The following EEFSEC variants were observed in gnomAD, a reference collection of about 807,000 sequenced individuals.
EEFSEC encodes the protein eukaryotic elongation factor, selenocysteine-tRNA specific.
A neutral mutation model predicts 42.1 loss-of-function variants in EEFSEC; 43 were observed. That is an observed-to-expected ratio of 1.02 (90% confidence interval 0.80 to 1.32). EEFSEC has a LOEUF of 1.32. EEFSEC is among the 40% of genes most tolerant of loss of function. The pLI is 0.00. For synonymous variants in EEFSEC, 354 were observed against 339.1 expected (o/e 1.04, Z -0.48); for missense variants, 745 against 803.6 (o/e 0.93, Z 0.88).
intron 2 of EEFSEC, among the ~76,000 whole-genome samples, chr3:128,259,792 G>T (rs1246257490): frequency 6.6e-6 from 1 of 152,140 alleles, no homozygotes; most frequent in Non-Finnish European, 1.5e-5. Context: ...CAGTGTTTTT[G>T]TGGTTCATCC....
intron 4 of EEFSEC, among the ~76,000 whole-genome samples, chr3:128,287,969 C>G (rs770185130): frequency 3.3e-5 from 5 of 151,198 alleles, no homozygotes; most frequent in South Asian, 2.1e-4. Flanking sequence ...CCCGCCCCCC[C>G]CAAAAAACTC....
chr3:128,232,065 A>T (rs1576565492), intron 1 of EEFSEC, among the ~76,000 whole-genome samples: 1 of 150,646 alleles, frequency 6.6e-6, no homozygotes, highest in Non-Finnish European at 1.5e-5. Flanking sequence ...TCCCACCCCC[A>T]CCCCCAAGCC....
intron 6 of EEFSEC, among the ~76,000 whole-genome samples, chr3:128,379,606 G>A (rs552085277): frequency 5.9e-5 from 9 of 152,234 alleles, no homozygotes; most frequent in Non-Finnish European, 1.2e-4. Context: ...CACACAGGGC[G>A]GTGCCAGGGC....
chr3:128,412,804 G>A (rs925649850), downstream of EEFSEC, among the ~76,000 whole-genome samples: 2 of 152,228 alleles, frequency 1.3e-5, no homozygotes, highest in African/African-American at 4.8e-5. Context: ...AGCAGTGGGT[G>A]CTGGGAGTGG....
At chr3:128,417,386 C>T in the EEFSEC span, among the ~76,000 whole-genome samples, 1 of 152,122 alleles carries the variant, frequency 6.6e-6, no homozygotes, top group African/African-American at 2.4e-5. This position sits in a 1 kb window ranked among gnomAD's most constrained non-coding sequence, Gnocchi z 4.3. Flanking sequence ...TCCCTCCCGC[C>T]TCAGGGCCTC....
intron 6 of EEFSEC, among the ~76,000 whole-genome samples, chr3:128,397,186 A>G (rs573304631): frequency 1.3e-5 from 2 of 152,256 alleles, no homozygotes; most frequent in East Asian, 3.9e-4. Context: ...GTCTCTTGCC[A>G]TCCTCCCTCC....
At chr3:128,156,625 TTTCAC>T (rs943422106) in intron 1 of EEFSEC, among the ~76,000 whole-genome samples, 1 of 152,250 alleles carries the variant, frequency 6.6e-6, no homozygotes, top group Admixed American at 6.5e-5. Context: ...GCATCAAACA[TTTCAC>T]TTCATTTCAA....
chr3:128,388,317 A>C (rs1294996260), intron 6 of EEFSEC, among the ~76,000 whole-genome samples: 1 of 152,112 alleles, frequency 6.6e-6, no homozygotes, highest in Non-Finnish European at 1.5e-5. Flanking sequence ...CTGCATGCCA[A>C]GTCCCCCTCC....
intron 4 of EEFSEC, among the ~76,000 whole-genome samples, chr3:128,296,505 G>A (rs937825757): frequency 4.6e-5 from 7 of 152,120 alleles, no homozygotes; most frequent in Admixed American, 4.6e-4. Flanking sequence ...TACTGATAAA[G>A]CAAACTGTAG....
Position 128,367,576 on chromosome 3 carries a change from G to T in EEFSEC, c.1600+9203G>T, listed in dbSNP as rs185722190. On this transcript the variant is annotated intron_variant, in intron 6 of 6. Coordinates refer to ENST00000254730, the MANE Select transcript of EEFSEC (RefSeq NM_021937.5). ...TGCCTGTAAGCAAGAGCCACATCCT[G>T]TTTCCACAAGGCCTACCTCAGGGAT... The T allele has an allele frequency of 2.2e-5, 21 of 955,152 alleles. No homozygotes were observed. In the African/African-American group the frequency reaches 3.5e-4, roughly 16 times the overall value. The allele number at this position is 955,152 out of a possible 1,614,324, so 59.2% of individuals were successfully genotyped here. A position where few individuals can be genotyped will look rare whatever the true frequency, so the allele number is the denominator to read the frequency against.
chr3:128,157,138 A>G (rs1400369950), intron 1 of EEFSEC, among the ~76,000 whole-genome samples: 1 of 152,254 alleles, frequency 6.6e-6, no homozygotes, highest in African/African-American at 2.4e-5. Flanking sequence ...TAGAAAATCA[A>G]ACCAGCTACC....
At chr3:128,314,099 G>GCT (rs745983641) in intron 4 of EEFSEC, among the ~76,000 whole-genome samples, 1 of 152,130 alleles carries the variant, frequency 6.6e-6, no homozygotes, top group Admixed American at 6.5e-5. Context: ...AGGACATGCT[G>GCT]CTCTCTCTCT....
chr3:128,302,886 CTG>C (rs1486643224), intron 4 of EEFSEC, among the ~76,000 whole-genome samples: 4 of 152,164 alleles, frequency 2.6e-5, no homozygotes, highest in Non-Finnish European at 5.9e-5. Context: ...ATATTTACAT[CTG>C]TCTCACTTCA....
intron 1 of EEFSEC, among the ~76,000 whole-genome samples, chr3:128,238,890 ACTT>A (rs1486869446): frequency 1.3e-5 from 2 of 152,096 alleles, no homozygotes; most frequent in East Asian, 1.9e-4. Context: ...GAGTTCTTAA[ACTT>A]CTTCTGGTCC....
At chr3:128,157,182 A>G (rs536997560) in intron 1 of EEFSEC, among the ~76,000 whole-genome samples, 83 of 152,250 alleles carry the variant, frequency 5.5e-4, no homozygotes, top group Non-Finnish European at 1.0e-3. Context: ...ATCCAGAGCA[A>G]GGCCCTAACT....
At chr3:128,365,405 G>A (rs564325964) in intron 6 of EEFSEC, among the ~76,000 whole-genome samples, 16 of 152,316 alleles carry the variant, frequency 1.1e-4, no homozygotes, top group African/African-American at 3.8e-4. Flanking sequence ...ATTGGGACCA[G>A]CCACTTTCCA....
intron 1 of EEFSEC, among the ~76,000 whole-genome samples, chr3:128,197,107 T>TATAAATAAATAA: frequency 6.6e-6 from 1 of 152,346 alleles, no homozygotes; most frequent in South Asian, 2.1e-4. Context: ...TAAGGCAGAT[T>TATAAATAAATAA]ATAAATAAAT....
At chr3:128,330,720 AG>A (rs1249667735) in intron 4 of EEFSEC, among the ~76,000 whole-genome samples, 1 of 151,956 alleles carries the variant, frequency 6.6e-6, no homozygotes, top group Non-Finnish European at 1.5e-5. Flanking sequence ...ACAAGGGGGC[AG>A]GGGGCATCAG....
intron 6 of EEFSEC, among the ~76,000 whole-genome samples, chr3:128,388,082 G>C (rs2067863115): frequency 6.6e-6 from 1 of 152,216 alleles, no homozygotes; most frequent in Non-Finnish European, 1.5e-5. Flanking sequence ...CACCCACCAG[G>C]TCCTCACTCT....
Sources: allele counts gnomAD v4.1 joint callset (sites outside exome capture counted in the v4.1 genomes callset), GRCh38; gene constraint gnomAD v4.1.1; non-coding constraint Gnocchi (gnomAD v3.1); transcripts MANE v1.5; gene names NCBI Gene and HGNC (gene_info 2026-07-23, HGNC 2026-07-21).